Variants in SPEF2 observed in about 807,000 individuals in gnomAD.
The protein encoded by SPEF2 is sperm flagella and cilia-associated protein 2.
A neutral mutation model predicts 224.6 loss-of-function variants in SPEF2; 187 were observed. The observed-to-expected ratio is 0.83, with a 90% CI of 0.74 to 0.94. The LOEUF (loss-of-function observed/expected upper bound fraction) is 0.94, where lower values mean the gene tolerates loss of function less well. Ranked by LOEUF, SPEF2 falls within the 40% of genes least tolerant of loss-of-function variation. The pLI is 0.00. For missense variants in SPEF2, 2,170 were observed against 2,135.6 expected (o/e 1.02, Z -0.32); for synonymous variants, 715 against 707.3 (o/e 1.01, Z -0.17).
intron 34 of SPEF2, among the ~76,000 whole-genome samples, chr5:35,801,605 A>G (rs142064250): frequency 6.6e-6 from 1 of 152,204 alleles, no homozygotes; most frequent in Non-Finnish European, 1.5e-5. Context: ...ATGTTTCTGT[A>G]TCTCTCTGTA....
intron 26 of SPEF2, among the ~76,000 whole-genome samples, chr5:35,766,447 A>G (rs1396119562): frequency 1.3e-5 from 2 of 152,038 alleles, no homozygotes; most frequent in Admixed American, 1.3e-4. Flanking sequence ...ATGGGTATGA[A>G]GTTATTTAAA....
At chr5:35,618,707 T>G (rs1743015990) in intron 1 of SPEF2, among the ~76,000 whole-genome samples, 1 of 152,208 alleles carries the variant, frequency 6.6e-6, no homozygotes, top group Admixed American at 6.5e-5. Context: ...TATTGGCTCT[T>G]GCCCAAAGCT....
chr5:35,618,669 A>T (rs1743007807), intron 1 of SPEF2, among the ~76,000 whole-genome samples: 1 of 152,140 alleles, frequency 6.6e-6, no homozygotes, highest in Non-Finnish European at 1.5e-5. Context: ...TTTAAGCCCC[A>T]AATCACAAAC....
chr5:35,660,547 G>C (rs1298224253), intron 8 of SPEF2, among the ~76,000 whole-genome samples: 8 of 152,170 alleles, frequency 5.3e-5, no homozygotes, highest in Non-Finnish European at 1.2e-4. Flanking sequence ...TAAACGGTGG[G>C]TATGGAATGG....
intron 18 of SPEF2, 126 bp from the exon 19 acceptor site, chr5:35,708,822 C>A: frequency 1.2e-6 from 1 of 858,066 alleles, no homozygotes; most frequent in Non-Finnish European, 1.8e-6. Flanking sequence ...AGGGAAAGCC[C>A]TAAAGCATGA....
chr5:35,774,045 G>A (rs754856641), intron 28 of SPEF2, 24 bp downstream of exon 28: 14 of 1,606,480 alleles, frequency 8.7e-6, no homozygotes, highest in Non-Finnish European at 1.2e-5. Context: ...CGACTAAGAT[G>A]ATGCTTTTCA....
At chr5:35,768,764 A>C (rs1396016116) in intron 26 of SPEF2, among the ~76,000 whole-genome samples, 1 of 152,122 alleles carries the variant, frequency 6.6e-6, no homozygotes, top group African/African-American at 2.4e-5. Flanking sequence ...GATATCACAC[A>C]ATCTTAAGGC....
At chr5:35,703,242 A>G (rs1739052085) in intron 16 of SPEF2, among the ~76,000 whole-genome samples, 1 of 151,642 alleles carries the variant, frequency 6.6e-6, no homozygotes. Context: ...GCCTACCAGC[A>G]AAAGTCTTAA....
intron 10 of SPEF2, among the ~76,000 whole-genome samples, chr5:35,689,728 C>T (rs1754174339): frequency 6.6e-6 from 1 of 151,970 alleles, no homozygotes; most frequent in South Asian, 2.1e-4. Context: ...ATACATGTAC[C>T]ACATTTTCTT....
At chr5:35,764,539 C>G in intron 26 of SPEF2, 1 of 455,768 alleles carries the variant, frequency 2.2e-6, no homozygotes. Context: ...CCTCATCTGC[C>G]AGGTCCTGGG....
chr5:35,640,533 T>A lies in SPEF2; in HGVS notation c.162-898T>A, dbSNP rs1476819056. ...AAATGTTGTATCTCCAACTGTACGATGATTTGTGGAGAAACAGATTGCAAA... is the reference window on the plus strand; with the variant it reads ...AAATGTTGTATCTCCAACTGTACGAAGATTTGTGGAGAAACAGATTGCAAA... On this transcript the variant is annotated intron_variant, in intron 2 of 36. Coordinates refer to ENST00000356031, the MANE Select transcript of SPEF2 (RefSeq NM_024867.4). Among the ~76,000 whole-genome samples, 3 of 152,184 alleles carry A rather than the reference T, an allele frequency of 2.0e-5. 1 individual carries two copies. The highest frequency in any genetic ancestry group is 2.0e-4 in the Admixed American group (3 of 15,272).
At chr5:35,684,845 T>G (rs2149516144) in intron 10 of SPEF2, among the ~76,000 whole-genome samples, 1 of 152,322 alleles carries the variant, frequency 6.6e-6, no homozygotes, top group East Asian at 1.9e-4. Flanking sequence ...ATTGACAACT[T>G]TCCACTTCAA....
chr5:35,687,923 CAAAAAATTTTTGCAAGCA>C (rs1753882221), intron 10 of SPEF2, among the ~76,000 whole-genome samples: 4 of 148,466 alleles, frequency 2.7e-5, no homozygotes, highest in African/African-American at 7.9e-5. Flanking sequence ...AAATTGCAAG[CAAAAAATTTTTGCAAGCA>C]AAAAAATTTG....
chr5:35,693,104 A>G (rs1203712321), intron 12 of SPEF2, among the ~76,000 whole-genome samples: 2 of 151,928 alleles, frequency 1.3e-5, no homozygotes, highest in Non-Finnish European at 2.9e-5. Context: ...TGAATTGTGG[A>G]GGTTGGGAGG....
intron 16 of SPEF2, among the ~76,000 whole-genome samples, chr5:35,701,222 A>C (rs1734251911): frequency 3.9e-5 from 6 of 152,204 alleles, no homozygotes. Flanking sequence ...TCTTCCTACA[A>C]AAATTCATAG....
At chr5:35,766,408 A>T (rs1230476080) in intron 26 of SPEF2, among the ~76,000 whole-genome samples, 1 of 152,008 alleles carries the variant, frequency 6.6e-6, no homozygotes. Context: ...TTTTGCTAAG[A>T]ATTTTTCCAT....
At chr5:35,704,045 G>T (rs984018046) in intron 16 of SPEF2, among the ~76,000 whole-genome samples, 2 of 151,918 alleles carry the variant, frequency 1.3e-5, no homozygotes, top group African/African-American at 4.8e-5. Context: ...GTTGAGATTG[G>T]TTTTTTTGTT....
At chr5:35,626,892 G>A (rs1744338863) in intron 1 of SPEF2, among the ~76,000 whole-genome samples, 2 of 152,034 alleles carry the variant, frequency 1.3e-5, no homozygotes, top group African/African-American at 4.8e-5. Context: ...GAGCAACTTA[G>A]CTCAACTTCC....
chr5:35,693,090 A>AGT lies in SPEF2; in HGVS notation c.1899+367_1899+368insTG, dbSNP rs202011075. The stretch of plus-strand genomic sequence containing the variant: ...CTAGCTGGTAAGTGGGGGTGGGTGA[A>AGT]GATTGAATTGTGGAGGTTGGGAGGG... On this transcript the variant is annotated intron_variant, in intron 12 of 36. Coordinates refer to ENST00000356031, the MANE Select transcript of SPEF2 (RefSeq NM_024867.4). Among the ~76,000 whole-genome samples, 1,363 of 152,114 alleles carry AGT rather than the reference A, an allele frequency of 9.0e-3. 16 individuals are homozygous for AGT. Among genetic ancestry groups the AGT allele is most frequent in the African/African-American group, 0.032 (1,327 of 41,486 alleles).
Sources: allele counts gnomAD v4.1 joint callset (sites outside exome capture counted in the v4.1 genomes callset), GRCh38; gene constraint gnomAD v4.1.1; transcripts MANE v1.5; gene names NCBI Gene and HGNC (gene_info 2026-07-23, HGNC 2026-07-21).